Variants in UGP2 observed in about 807,000 individuals in gnomAD.
UGP2 encodes the protein UDP-glucose pyrophosphorylase 2, also known as UTP--glucose-1-phosphate uridylyltransferase.
Under a neutral mutation model 49.0 loss-of-function variants are expected in UGP2, and 40 were observed. The ratio of observed to expected loss-of-function variants is 0.82; its 90% CI spans 0.63 to 1.06. The LOEUF is 1.06. UGP2 is among the 50% of genes least tolerant of loss of function. UGP2 has a pLI of 0.00. For missense variants in UGP2, 460 were observed against 603.5 expected, an observed-to-expected ratio of 0.76 and a Z score of 2.49; for synonymous variants, 225 against 213.0, an observed-to-expected ratio of 1.06 and a Z score of -0.49.
In UGP2 at chr2:63,887,649, G is replaced by C; in HGVS notation, c.1314+5G>C. On this transcript the variant is annotated splice_donor_5th_base_variant and intron_variant, in intron 8 of 9. Transcript: ENST00000337130. ...TTAGGCAGTTCTTTTACGAAGGTAC[G>C]TAACTATAAAGATATGTGAGTTCAT... 2 of 1,613,778 alleles carry C rather than the reference G, an allele frequency of 1.2e-6. No homozygotes were observed. The highest frequency in any genetic ancestry group is 1.7e-5 in the Admixed American group (1 of 59,968).
intron 9 of UGP2, 143 bp from the exon 10 acceptor site, chr2:63,890,973 GTTAT>G (rs1180336294): frequency 2.6e-5 from 14 of 544,682 alleles, no homozygotes; most frequent in Non-Finnish European, 3.8e-5. Flanking sequence ...TTCCTTAACT[GTTAT>G]TTGTTTTTCA....
chr2:63,855,665 C>G, intron 1 of UGP2: 1 of 441,204 alleles, frequency 2.3e-6, no homozygotes, highest in South Asian at 1.6e-5. Context: ...CTTCAGCCTT[C>G]CAAGTAGCTG....
At chr2:63,887,973 G>A in intron 8 of UGP2, 1 of 243,758 alleles carries the variant, frequency 4.1e-6, no homozygotes, top group Non-Finnish European at 8.1e-6. Flanking sequence ...ATCATGTACT[G>A]GGCAGTGTTC....
At chr2:63,890,855 C>T (rs566184557) in intron 9 of UGP2, among the ~76,000 whole-genome samples, 1 of 146,046 alleles carries the variant, frequency 6.8e-6, no homozygotes, top group Non-Finnish European at 1.5e-5. Flanking sequence ...AAGGGGCTGG[C>T]CATGCTGTGG....
chr2:63,887,873 C>T, intron 8 of UGP2: 1 of 548,286 alleles, frequency 1.8e-6, no homozygotes, highest in East Asian at 3.6e-5. Flanking sequence ...AATTTTGGGG[C>T]ATTTTATCTT....
chr2:63,869,066 A>C (rs1374242491), intron 3 of UGP2, among the ~76,000 whole-genome samples: 4 of 152,218 alleles, frequency 2.6e-5, no homozygotes, highest in African/African-American at 9.6e-5. Flanking sequence ...ATATTAGTAG[A>C]GAACCATAAT....
chr2:63,859,426 GTTCAAGAATTAGTTTTT>G (rs1669681030), intron 3 of UGP2, among the ~76,000 whole-genome samples: 1 of 152,118 alleles, frequency 6.6e-6, no homozygotes, highest in Non-Finnish European at 1.5e-5. Flanking sequence ...ATATTTTAGG[GTTCAAGAATTAGTTTTT>G]TTCAGTGGAG....
At chr2:63,861,346 G>A (rs1049630220) in intron 3 of UGP2, among the ~76,000 whole-genome samples, 3 of 152,102 alleles carry the variant, frequency 2.0e-5, no homozygotes, top group East Asian at 3.9e-4. Context: ...GAGGAAGTAC[G>A]GGGCCTGTTC....
intron 5 of UGP2, among the ~76,000 whole-genome samples, chr2:63,884,856 T>C (rs1671549596): frequency 6.6e-6 from 1 of 151,922 alleles, no homozygotes; most frequent in Non-Finnish European, 1.5e-5. Flanking sequence ...CTGTTTGTGC[T>C]ACTGTACTCC....
At chr2:63,843,340 C>T (rs1671711645) in intron 1 of UGP2, among the ~76,000 whole-genome samples, 1 of 152,164 alleles carries the variant, frequency 6.6e-6, no homozygotes, top group Admixed American at 6.5e-5. Flanking sequence ...TCATGTTATA[C>T]CTTATATGTG....
rs1343222168 is a variant in UGP2 at position 63,842,205 on chromosome 2, G to A, written c.19+1G>A. The A allele has an allele frequency of 4.4e-6, 7 of 1,607,372 alleles. No homozygotes were observed. Among genetic ancestry groups the A allele is most frequent in the Non-Finnish European group, 5.9e-6 (7 of 1,178,372 alleles). ...CCTAAAATGTCGAGATTTGTACAAG[G>A]TAAGAAATGCTGCTGCTTATATCCC... On this transcript the variant is annotated splice_donor_variant, in intron 1 of 9. Coordinates refer to ENST00000337130, the MANE Select transcript of UGP2 (RefSeq NM_006759.4). LOFTEE classifies it high-confidence loss of function.
At chr2:63,870,618 G>A (rs1670485043) in intron 3 of UGP2, among the ~76,000 whole-genome samples, 1 of 152,188 alleles carries the variant, frequency 6.6e-6, no homozygotes, top group South Asian at 2.1e-4. Context: ...GGATTTAAAA[G>A]TAGGACAAGA....
At chr2:63,888,006 AAAC>A in intron 8 of UGP2, 1 of 179,812 alleles carries the variant, frequency 5.6e-6, no homozygotes, top group Non-Finnish European at 1.2e-5. Flanking sequence ...ATTTAGCAGT[AAAC>A]AAAACAGACT....
At chr2:63,885,474 T>C in intron 5 of UGP2, 115 bp from the exon 6 acceptor site, 8 of 838,340 alleles carry the variant, frequency 9.5e-6, no homozygotes, top group Non-Finnish European at 1.4e-5. Flanking sequence ...AAATTACTTA[T>C]TGATAGACTC....
At chr2:63,877,369 C>G (rs1318536672) in intron 3 of UGP2, among the ~76,000 whole-genome samples, 1 of 152,230 alleles carries the variant, frequency 6.6e-6, no homozygotes, top group Non-Finnish European at 1.5e-5. Flanking sequence ...GTATCCTGAG[C>G]TTGTAAATTT....
At chr2:63,859,574 C>G (rs533585171) in intron 3 of UGP2, among the ~76,000 whole-genome samples, 1 of 152,096 alleles carries the variant, frequency 6.6e-6, no homozygotes, top group Non-Finnish European at 1.5e-5. Flanking sequence ...CAGTACTACC[C>G]TACCCCATTC....
At chr2:63,879,807 T>C (rs1321089450) in intron 3 of UGP2, among the ~76,000 whole-genome samples, 1 of 152,222 alleles carries the variant, frequency 6.6e-6, no homozygotes, top group Non-Finnish European at 1.5e-5. Flanking sequence ...AAGACAGGCC[T>C]GTCCTACCAT....
intron 3 of UGP2, among the ~76,000 whole-genome samples, chr2:63,863,531 A>G (rs1360571883): frequency 6.6e-6 from 1 of 152,194 alleles, no homozygotes; most frequent in Admixed American, 6.5e-5. Context: ...ATCAAGAGGA[A>G]GAAATAAAAT....
chr2:63,870,404 A>G (rs1157850544), intron 3 of UGP2, among the ~76,000 whole-genome samples: 2 of 152,140 alleles, frequency 1.3e-5, no homozygotes, highest in Non-Finnish European at 2.9e-5. Context: ...TTTGTTTATT[A>G]TAGGGGGATT....
Sources: gnomAD v4.1 joint callset for allele counts (sites outside exome capture counted in the v4.1 genomes callset) on GRCh38, gnomAD v4.1.1 for gene constraint, MANE v1.5 for transcripts, NCBI Gene and HGNC (gene_info 2026-07-23, HGNC 2026-07-21) for gene names.